MAF: variants seen among roughly 807,000 people sequenced by gnomAD.
MAF encodes MAF bZIP transcription factor.
Under a neutral mutation model 22.0 loss-of-function variants are expected in MAF, and 10 were observed. The observed-to-expected ratio is 0.45, with a 90% confidence interval of 0.28 to 0.77. The LOEUF is 0.77. Ranked by LOEUF, MAF falls within the 30% of genes least tolerant of loss-of-function variation. The pLI, the probability that MAF is intolerant of heterozygous loss-of-function variation, is 0.12. For missense variants in MAF, 544 were observed against 548.4 expected (o/e 0.99, Z 0.08); for synonymous variants, 337 against 255.8 (o/e 1.32, Z -3.03).
the MAF span, among the ~76,000 whole-genome samples, chr16:79,297,668 G>A: frequency 0.39 from 59,146 of 152,080 alleles, 13,673 homozygotes; most frequent in African/African-American, 0.63. Flanking sequence ...TGAGCACTCA[G>A]TAAACACTAC....
chr16:79,320,595 C>T, the MAF span, among the ~76,000 whole-genome samples: 4 of 152,186 alleles, frequency 2.6e-5, no homozygotes, highest in East Asian at 7.7e-4. Flanking sequence ...AGCCAGTCAC[C>T]CTGGACTCTA....
At chr16:79,371,441 C>G in the MAF span, among the ~76,000 whole-genome samples, 4 of 152,178 alleles carry the variant, frequency 2.6e-5, no homozygotes, top group African/African-American at 9.7e-5. Flanking sequence ...TCATCTTCAA[C>G]TTGCCACACT....
chr16:79,307,954 G>C, the MAF span, among the ~76,000 whole-genome samples: 3 of 152,120 alleles, frequency 2.0e-5, no homozygotes, highest in Admixed American at 2.0e-4. Flanking sequence ...CATAAATATT[G>C]GATTGGAATT....
the MAF span, among the ~76,000 whole-genome samples, chr16:79,452,684 CT>C: frequency 1.3e-3 from 196 of 152,232 alleles, 1 homozygote; most frequent in African/African-American, 4.6e-3. Context: ...TTCTCAGCTT[CT>C]TTGGAGTCAG....
chr16:79,479,481 T>C, the MAF span, among the ~76,000 whole-genome samples: 1 of 152,212 alleles, frequency 6.6e-6, no homozygotes, highest in Non-Finnish European at 1.5e-5. Context: ...TGTGGTTCTG[T>C]ACTTGAATGG....
chr16:79,216,152 CTGTATATGTATGTCGTGCACG>C, the MAF span, among the ~76,000 whole-genome samples: 3 of 149,686 alleles, frequency 2.0e-5, no homozygotes, highest in South Asian at 2.1e-4. Flanking sequence ...TCATGCACAT[CTGTATATGTATGTCGTGCACG>C]TGTATATGTA....
the MAF span, among the ~76,000 whole-genome samples, chr16:79,525,431 T>A: frequency 6.6e-6 from 1 of 152,190 alleles, no homozygotes; most frequent in Middle Eastern, 3.2e-3. Flanking sequence ...AACAAAGACA[T>A]AGTATGTTGA....
chr16:79,258,448 C>T, the MAF span, among the ~76,000 whole-genome samples: 1 of 152,288 alleles, frequency 6.6e-6, no homozygotes, highest in Admixed American at 6.5e-5. Flanking sequence ...CAGGGAGAGC[C>T]TTGTGGGGTC....
At chr16:79,285,969 G>C in the MAF span, among the ~76,000 whole-genome samples, 2 of 152,276 alleles carry the variant, frequency 1.3e-5, no homozygotes, top group Non-Finnish European at 2.9e-5. Flanking sequence ...AGTACAGTTT[G>C]GGTTCTACAG....
At chr16:79,342,566 A>G in the MAF span, among the ~76,000 whole-genome samples, 1 of 152,046 alleles carries the variant, frequency 6.6e-6, no homozygotes, top group Admixed American at 6.6e-5. Flanking sequence ...CTCCATTACC[A>G]TCACCATCAC....
the MAF span, among the ~76,000 whole-genome samples, chr16:79,567,124 C>A: frequency 6.6e-6 from 1 of 152,202 alleles, no homozygotes; most frequent in Non-Finnish European, 1.5e-5. Flanking sequence ...TCGAGACCAG[C>A]CTGGCCAACA....
At chr16:79,385,766 T>C in the MAF span, among the ~76,000 whole-genome samples, 29 of 152,148 alleles carry the variant, frequency 1.9e-4, no homozygotes, top group African/African-American at 7.0e-4. Flanking sequence ...CTGGGTGTGG[T>C]AGTACACGCC....
At chr16:79,244,016 A>G in the MAF span, among the ~76,000 whole-genome samples, 2 of 152,060 alleles carry the variant, frequency 1.3e-5, no homozygotes, top group East Asian at 3.9e-4. Context: ...AAATTCAACA[A>G]CCCTTCATGC....
At chr16:79,355,968 G>A in the MAF span, among the ~76,000 whole-genome samples, 1 of 152,078 alleles carries the variant, frequency 6.6e-6, no homozygotes, top group African/African-American at 2.4e-5. Context: ...AATGTCTCTA[G>A]GGAATTCTCC....
intron 1 of MAF, chr16:79,596,375 C>G (rs1396621144): frequency 1.1e-5 from 12 of 1,059,018 alleles, no homozygotes; most frequent in South Asian, 4.6e-5. Flanking sequence ...TACTGTCTCC[C>G]TATTCCTCCA....
At chr16:79,589,986 TAGCTTCA>T (rs1913093855), downstream of MAF, among the ~76,000 whole-genome samples, 1 of 152,092 alleles carries the variant, frequency 6.6e-6, no homozygotes, top group South Asian at 2.1e-4. Flanking sequence ...AGGGACTCGG[TAGCTTCA>T]GGCAATCTTC....
the MAF span, among the ~76,000 whole-genome samples, chr16:79,272,727 C>T: frequency 6.6e-6 from 1 of 152,160 alleles, no homozygotes; most frequent in Non-Finnish European, 1.5e-5. Flanking sequence ...TTCCTCCCAA[C>T]CATATTTTTT....
the MAF span, among the ~76,000 whole-genome samples, chr16:79,455,244 G>T: frequency 6.6e-6 from 1 of 152,084 alleles, no homozygotes; most frequent in Admixed American, 6.6e-5. Context: ...TATATTCCAA[G>T]CTAATTTCAG....
the MAF span, among the ~76,000 whole-genome samples, chr16:79,291,971 G>C: frequency 6.6e-6 from 1 of 151,534 alleles, no homozygotes; most frequent in South Asian, 2.1e-4. Flanking sequence ...GCTCCATTCA[G>C]CAAGTGGCAT....
Sources: allele counts gnomAD v4.1 joint callset (sites outside exome capture counted in the v4.1 genomes callset), GRCh38; gene constraint gnomAD v4.1.1; transcripts MANE v1.5; gene names NCBI Gene and HGNC (gene_info 2026-07-23, HGNC 2026-07-21).